Variants in VIL1 observed in about 807,000 individuals in gnomAD.
VIL1 encodes villin-1.
Under a neutral mutation model 104.0 loss-of-function variants are expected in VIL1, and 86 were observed. The ratio of observed to expected loss-of-function variants is 0.83; its 90% CI spans 0.69 to 0.99. VIL1 has a LOEUF of 0.99. Among genes scored for constraint, VIL1 ranks in the 50% least tolerant of loss-of-function variants. VIL1 has a pLI of 0.00. For synonymous variants in VIL1, 394 were observed against 412.6 expected, an observed-to-expected ratio of 0.95 and a Z score of 0.55; for missense variants, 944 against 1,054.1, an observed-to-expected ratio of 0.90 and a Z score of 1.45.
rs1485843276 is a variant in VIL1, at chr2:218,434,608, C to T, written c.1583C>T (p.Thr528Ile). Residue 528 changes from threonine (T) to isoleucine (I), a missense_variant, in exon 14 of 20, where the codon ACC (threonine) becomes ATC (isoleucine). By Grantham distance (89) the Thr-to-Ile change is moderately conservative. Transcript: ENST00000248444. ...GTCCAGGGAACTGGCGCCAACAACA[C>T]CAAGGCCTTTGAGGTCCCAGCGCGG... Reference protein sequence around the residue: ...FQVQGTGANNTKAFEVPARAN... With the variant: ...FQVQGTGANNIKAFEVPARAN... 3.1e-6 allele frequency: 5 copies of T among 1,614,026 alleles called. No homozygotes were observed.
intron 3 of VIL1, among the ~76,000 whole-genome samples, chr2:218,425,195 C>T (rs1004225572): frequency 1.3e-5 from 2 of 152,220 alleles, no homozygotes; most frequent in African/African-American, 4.8e-5. Flanking sequence ...ATTCTCGTGG[C>T]TCAGCCTCCT....
intron 3 of VIL1, 87 bp downstream of exon 3, chr2:218,424,438 A>G: frequency 7.0e-7 from 1 of 1,432,146 alleles, no homozygotes; most frequent in East Asian, 2.3e-5. Context: ...CCGTGGGGAG[A>G]GTTGGCCTGG....
At chr2:218,440,583 T>G (rs1689269402) in intron 18 of VIL1, 139 bp from the exon 19 acceptor site, 2 of 1,008,020 alleles carry the variant, frequency 2.0e-6, no homozygotes, top group Non-Finnish European at 2.9e-6. Flanking sequence ...GTTGTTCTTA[T>G]GAGTGTGTGT....
intron 13 of VIL1, among the ~76,000 whole-genome samples, chr2:218,433,911 A>AG (rs1218977738): frequency 6.6e-6 from 1 of 150,890 alleles, no homozygotes. Flanking sequence ...GAAAAAAAAA[A>AG]AAAGGCTAGG....
At chr2:218,431,010 G>C (rs1381610027) in intron 10 of VIL1, 132 bp downstream of exon 10, 1 of 1,248,422 alleles carries the variant, frequency 8.0e-7, no homozygotes, top group African/African-American at 1.5e-5. Flanking sequence ...CTCTGGGCTT[G>C]TCCTAGCAGA....
rs757759135 is a variant in VIL1 at position 218,429,958 on chromosome 2, G to A, written c.948+11G>A. 7 of 1,461,410 alleles carry A rather than the reference G, an allele frequency of 4.8e-6. No individual in the cohort carries two copies. The highest frequency in any genetic ancestry group is 1.1e-5 in the South Asian group (1 of 87,952). 90.5% of individuals were successfully genotyped at this position (1,461,410 alleles called of 1,614,324 possible). On this transcript the variant is annotated intron_variant, in intron 9 of 19. Coordinates refer to ENST00000248444, the MANE Select transcript of VIL1 (RefSeq NM_007127.3). Reference sequence around the variant, plus strand: ...ATGAGCCATGCGCTGGTAGTGGTGGGGGCGGGGGAGGGTCCAGGAGGAGGG... The same window carrying A: ...ATGAGCCATGCGCTGGTAGTGGTGGAGGCGGGGGAGGGTCCAGGAGGAGGG...
Position 218,443,075 on chromosome 2 carries a change from C to T in VIL1, c.2370+2213C>T, listed in dbSNP as rs376850850. Among the ~76,000 whole-genome samples the T allele has an allele frequency of 1.7e-4, 26 of 152,296 alleles. No individual in the cohort carries two copies. In the East Asian group the frequency reaches 3.1e-3, roughly 18 times the overall value. On this transcript the variant is annotated intron_variant, in intron 19 of 19. Coordinates refer to ENST00000248444, the MANE Select transcript of VIL1 (RefSeq NM_007127.3). ...ATTGCCTGTTCTACACCTGAGAAAA[C>T]TGAAGTCCAGAGAGATGAAGTGACT...
rs1689062663 is a variant in VIL1, at chr2:218,429,657, G to A, written c.831G>A (p.Gln277=). 1.9e-6 allele frequency: 3 copies of A among 1,614,126 alleles called. No individual in the cohort carries two copies. In the East Asian group the frequency reaches 6.7e-5, roughly 36 times the overall value. The change falls in exon 8 of 20, where the codon CAG becomes CAA. Residue 277 remains glutamine, a synonymous_variant. Coordinates refer to ENST00000248444, the MANE Select transcript of VIL1 (RefSeq NM_007127.3). ...VREVATRPLT[Q]DLLSHEDCYI... The stretch of plus-strand genomic sequence containing the variant: ...AAGTCGCCACACGGCCACTGACACA[G>A]GACCTGCTCAGTCACGAGGTAAGAG...
chr2:218,427,212 C>T (rs1689016917), intron 4 of VIL1, among the ~76,000 whole-genome samples: 1 of 152,200 alleles, frequency 6.6e-6, no homozygotes, highest in Admixed American at 6.5e-5. Context: ...TCTTCCCACG[C>T]TATGGCAGTA....
chr2:218,430,767 G>A lies in VIL1; in HGVS notation c.991G>A (p.Glu331Lys), dbSNP rs1324033665. Residue 331 changes from glutamate to lysine, a missense_variant, in exon 10 of 20, where the codon GAG (glutamate) becomes AAG (lysine). By Grantham distance (56) the Glu-to-Lys change is moderately conservative. Transcript: ENST00000248444. ...GCAGTACCCACCAAGCACACAGGTG[G>A]AGGTGCAGAATGATGGGGCTGAGTC... The part of the protein sequence containing the change: ...AKQYPPSTQV[E>K]VQNDGAESAV... 6.2e-7 allele frequency: 1 copy of A among 1,612,420 alleles called. No individual in the cohort carries two copies. The highest frequency in any genetic ancestry group is 8.5e-7 in the Non-Finnish European group (1 of 1,179,228).
chr2:218,445,129 T>C (rs1689344046), intron 19 of VIL1, among the ~76,000 whole-genome samples: 1 of 152,322 alleles, frequency 6.6e-6, no homozygotes, highest in African/African-American at 2.4e-5. Flanking sequence ...CCGAGTGCGG[T>C]GGCTCATGCC....
chr2:218,453,109 AG>A lies in VIL1; in HGVS notation c.*3775del, dbSNP rs985633622. On this transcript the variant is annotated 3_prime_UTR_variant, in exon 20 of 20. Coordinates refer to ENST00000248444, the MANE Select transcript of VIL1 (RefSeq NM_007127.3). Reference sequence around the variant, plus strand: ...TATCAGTAGTTGAGCAAAACTGCTGAGGCCATTTATAATTCAAAGAATGAAA... The same window carrying A: ...TATCAGTAGTTGAGCAAAACTGCTGAGCCATTTATAATTCAAAGAATGAAA... 1.3e-5 allele frequency: 2 copies of A among 152,236 alleles called. No homozygotes were observed. Among genetic ancestry groups the A allele is most frequent in the Non-Finnish European group, 2.9e-5 (2 of 68,046 alleles). The allele number at this position is 152,236 out of a possible 1,614,324, so 9.4% of individuals were successfully genotyped here. A position where few individuals can be genotyped will look rare whatever the true frequency, so the allele number is the denominator to read the frequency against.
chr2:218,433,922 C>T (rs545086582), intron 13 of VIL1, among the ~76,000 whole-genome samples: 11 of 147,248 alleles, frequency 7.5e-5, no homozygotes, highest in East Asian at 4.0e-4. Flanking sequence ...AAAGGCTAGG[C>T]GCTGTGGCTC....
chr2:218,424,188 T>C, intron 2 of VIL1, 89 bp from the exon 3 acceptor site: 2 of 1,171,776 alleles, frequency 1.7e-6, no homozygotes, highest in South Asian at 1.3e-5. Context: ...GCTCTTTGTC[T>C]CCGACGCCTC....
Position 218,435,236 on chromosome 2 carries a change from G to C in VIL1, c.1681-53G>C, listed in dbSNP as rs188539402. On this transcript the variant is annotated intron_variant, in intron 14 of 19. Transcript: ENST00000248444. ...GAACTCTGGGCAGTGAATGTAGTAG[G>C]AGGGTGGAGGTAGGGGTGGCACTAG... The C allele has an allele frequency of 1.7e-5, 27 of 1,592,584 alleles. No homozygotes were observed. In the Admixed American group the frequency reaches 2.4e-4, roughly 14 times the overall value.
In VIL1 at chr2:218,431,783, C is replaced by T. The variant is rs73990478; in HGVS notation, c.1103-74C>T. The T allele has an allele frequency of 8.7e-3, 10,726 of 1,235,688 alleles. 628 individuals are homozygous for T. The African/African-American group carries it at 0.13, about 15-fold the overall frequency. 76.5% of individuals were successfully genotyped at this position (1,235,688 alleles called of 1,614,324 possible). A position where few individuals can be genotyped will look rare whatever the true frequency, so the allele number is the denominator to read the frequency against. The stretch of plus-strand genomic sequence containing the variant: ...AAAATGAGTCTAAGAATTGTAGCCA[C>T]CATTCAGGGCTGTTGTGAGGACCTG... On this transcript the variant is annotated intron_variant, in intron 10 of 19. Transcript: ENST00000248444.
chr2:218,450,977 G>A lies in VIL1; in HGVS notation c.*1641G>A, dbSNP rs1229399727. 1 of 152,160 alleles carries A rather than the reference G, an allele frequency of 6.6e-6. No individual in the cohort carries two copies. The highest frequency in any genetic ancestry group is 1.9e-4 in the East Asian group (1 of 5,206). 9.4% of individuals were successfully genotyped at this position (152,160 alleles called of 1,614,324 possible). On this transcript the variant is annotated 3_prime_UTR_variant, in exon 20 of 20. Coordinates refer to ENST00000248444, the MANE Select transcript of VIL1 (RefSeq NM_007127.3). ...GCCTGAAGTCTAGTAATCAAAGCAT[G>A]CCATAAGGTGAATGATTGTGGTTAA...
At chr2:218,430,052 T>G in intron 9 of VIL1, 105 bp downstream of exon 9, 1 of 1,036,800 alleles carries the variant, frequency 9.6e-7, no homozygotes. Flanking sequence ...CAGGGCATAG[T>G]GCCAGGCAGA....
At chr2:218,428,202 C>G (rs149277173) in intron 5 of VIL1, 25 bp from the exon 6 acceptor site, 2 of 1,610,864 alleles carry the variant, frequency 1.2e-6, no homozygotes, top group East Asian at 4.5e-5. Context: ...TGAGTGGGGT[C>G]TGTGCCTCCC....
Sources: allele counts gnomAD v4.1 joint callset (sites outside exome capture counted in the v4.1 genomes callset), GRCh38; gene constraint gnomAD v4.1.1; transcripts MANE v1.5; gene names NCBI Gene and HGNC (gene_info 2026-07-23, HGNC 2026-07-21).